ANXA5: variants seen among roughly 807,000 people sequenced by gnomAD.
ANXA5 encodes annexin A5.
Under a neutral mutation model 48.1 loss-of-function variants are expected in ANXA5, and 40 were observed. The observed-to-expected ratio is 0.83, with a 90% CI of 0.65 to 1.08. The LOEUF (loss-of-function observed/expected upper bound fraction) is 1.08. ANXA5 is among the 50% of genes least tolerant of loss of function. The pLI is 0.00. For missense variants in ANXA5, 357 were observed against 376.8 expected, an observed-to-expected ratio of 0.95 and a Z score of 0.44; for synonymous variants, 113 against 129.1, an observed-to-expected ratio of 0.88 and a Z score of 0.85.
chr4:121,687,301 C>CA (rs79008900), intron 2 of ANXA5, among the ~76,000 whole-genome samples: 570 of 53,664 alleles, frequency 0.011, 3 homozygotes, highest in African/African-American at 0.024. Flanking sequence ...CTCTGTCTCA[C>CA]AAAAAAAAAA....
intron 2 of ANXA5, among the ~76,000 whole-genome samples, chr4:121,695,764 T>C (rs1475499633): frequency 6.6e-6 from 1 of 151,898 alleles, no homozygotes; most frequent in Non-Finnish European, 1.5e-5. Flanking sequence ...TAGCTGGGCA[T>C]GGTGGGGCGC....
At chr4:121,678,345 A>T in intron 7 of ANXA5, 70 bp downstream of exon 7, 1 of 1,238,100 alleles carries the variant, frequency 8.1e-7, no homozygotes, top group Non-Finnish European at 1.2e-6. Flanking sequence ...AAGTGACCTT[A>T]CTTAACTAGA....
chr4:121,688,206 C>T (rs1724925294), intron 2 of ANXA5, among the ~76,000 whole-genome samples: 1 of 152,124 alleles, frequency 6.6e-6, no homozygotes, highest in East Asian at 1.9e-4. Flanking sequence ...CTTCCAGTCA[C>T]CAAAACTTTG....
At position 121,696,957 on chromosome 4, in the gene ANXA5, G is replaced by A. The variant is rs1046990983; in HGVS notation, c.-130C>T. The A allele has an allele frequency of 1.6e-5, 3 of 189,906 alleles. No individual in the cohort carries two copies. The highest frequency in any genetic ancestry group is 2.2e-5 in the Non-Finnish European group (2 of 92,944). The allele number at this position is 189,906 out of a possible 1,614,324, so 11.8% of individuals were successfully genotyped here. A position where few individuals can be genotyped will look rare whatever the true frequency, so the allele number is the denominator to read the frequency against. On this transcript the variant is annotated 5_prime_UTR_variant, in exon 1 of 13. Transcript: ENST00000296511. Reference sequence around the variant, plus strand: ...GCGACGCCGAGATGCAGACGCTGAAGGATCCGGCAGCTGCACCTAGACTGA... The same window carrying A: ...GCGACGCCGAGATGCAGACGCTGAAAGATCCGGCAGCTGCACCTAGACTGA...
At chr4:121,668,967 GGCCA>G (rs1236668493) in intron 12 of ANXA5, among the ~76,000 whole-genome samples, 1 of 151,496 alleles carries the variant, frequency 6.6e-6, no homozygotes, top group Non-Finnish European at 1.5e-5. Context: ...GTGTCCTTTG[GGCCA>G]GCCAAACCAC....
At chr4:121,695,997 C>G (rs1725073515) in intron 2 of ANXA5, among the ~76,000 whole-genome samples, 1 of 151,612 alleles carries the variant, frequency 6.6e-6, no homozygotes, top group South Asian at 2.1e-4. Context: ...AGAACTCGTT[C>G]CACGAGTTCA....
intron 2 of ANXA5, among the ~76,000 whole-genome samples, chr4:121,696,086 A>G (rs972464321): frequency 1.4e-4 from 22 of 151,728 alleles, no homozygotes; most frequent in African/African-American, 5.3e-4. Flanking sequence ...CAGTTTTAGT[A>G]AAACTGGGCT....
chr4:121,679,930 A>G (rs1281816209), intron 6 of ANXA5, among the ~76,000 whole-genome samples: 1 of 152,174 alleles, frequency 6.6e-6, no homozygotes, highest in East Asian at 1.9e-4. Flanking sequence ...AATTTCAAGC[A>G]TATAATAGTT....
intron 8 of ANXA5, among the ~76,000 whole-genome samples, chr4:121,673,620 GA>G (rs910016239): frequency 2.6e-5 from 4 of 151,666 alleles, no homozygotes; most frequent in South Asian, 2.1e-4. Flanking sequence ...TGGAGAATAA[GA>G]AAAAAATGAG....
intron 2 of ANXA5, among the ~76,000 whole-genome samples, chr4:121,695,416 A>G (rs953143497): frequency 6.6e-6 from 1 of 152,224 alleles, no homozygotes; most frequent in Non-Finnish European, 1.5e-5. Flanking sequence ...TGAACTATAA[A>G]TAAGAGACAG....
intron 2 of ANXA5, among the ~76,000 whole-genome samples, chr4:121,691,014 A>G (rs1341050752): frequency 6.6e-6 from 1 of 152,060 alleles, no homozygotes; most frequent in Non-Finnish European, 1.5e-5. Context: ...ACTTTAAATG[A>G]CTCATTCAAG....
rs1724733770 is a variant in ANXA5, at chr4:121,678,447, ACCCTGAAGTGTC to A, written c.430_441del (p.Asp144_Gly147del). ...AGAACCACCAACATCCGCTGGTAGT[ACCCTGAAGTGTC>A]CCCCACCACGTCATCTTCCAGGCTT... On this transcript the variant is annotated inframe_deletion, in exon 7 of 13. Coordinates refer to ENST00000296511, the MANE Select transcript of ANXA5 (RefSeq NM_001154.4). 1 of 1,613,660 alleles carries A rather than the reference ACCCTGAAGTGTC, an allele frequency of 6.2e-7. No homozygotes were observed. Among genetic ancestry groups the A allele is most frequent in the African/African-American group, 1.3e-5 (1 of 74,912 alleles).
intron 2 of ANXA5, among the ~76,000 whole-genome samples, chr4:121,688,402 G>A (rs1390857417): frequency 6.6e-6 from 1 of 152,062 alleles, no homozygotes; most frequent in African/African-American, 2.4e-5. Context: ...CTAACTTGAT[G>A]TTTCCTGTTA....
At chr4:121,674,181 GAGGGA>G (rs1310670955) in intron 8 of ANXA5, among the ~76,000 whole-genome samples, 1 of 110,268 alleles carries the variant, frequency 9.1e-6, no homozygotes, top group African/African-American at 3.1e-5. Flanking sequence ...GAAAGGGGAA[GAGGGA>G]GGGGAGGGGA....
chr4:121,673,148 A>G lies in ANXA5; in HGVS notation c.532-522T>C, dbSNP rs540706773. ...TGTTTTCATATTTCCAAAGATCACA[A>G]TAAATTTTTAAAAGATTGTGGGTAT... On this transcript the variant is annotated intron_variant, in intron 8 of 12. Coordinates refer to ENST00000296511, the MANE Select transcript of ANXA5 (RefSeq NM_001154.4). Among the ~76,000 whole-genome samples, 35 of 152,346 alleles carry G rather than the reference A, an allele frequency of 2.3e-4. 1 individual carries two copies. The highest frequency in any genetic ancestry group is 8.2e-4 in the African/African-American group (34 of 41,582).
chr4:121,669,440 A>C, intron 12 of ANXA5, 162 bp downstream of exon 12: 1 of 848,086 alleles, frequency 1.2e-6, no homozygotes, highest in Non-Finnish European at 1.8e-6. Context: ...CATCATCTCT[A>C]CTTCAGGAAA....
intron 2 of ANXA5, among the ~76,000 whole-genome samples, chr4:121,695,881 G>A (rs1304993768): frequency 1.3e-5 from 2 of 149,498 alleles, no homozygotes; most frequent in African/African-American, 4.9e-5. Context: ...CAGCCTGGGC[G>A]ACAGAGTGAG....
Position 121,684,669 on chromosome 4 carries a change from G to C in ANXA5, c.189+8C>G, listed in dbSNP as rs751659232. 6.2e-7 allele frequency: 1 copy of C among 1,611,624 alleles called. No homozygotes were observed. Among genetic ancestry groups the C allele is most frequent in the Non-Finnish European group, 8.5e-7 (1 of 1,178,080 alleles). ...CCCATTCTCTCTTGGGATGAAGTGTGGTCTTACCCTGCCAAACAGAGTCTT... is the reference window on the plus strand; with the variant it reads ...CCCATTCTCTCTTGGGATGAAGTGTCGTCTTACCCTGCCAAACAGAGTCTT... On this transcript the variant is annotated splice_region_variant and intron_variant, in intron 4 of 12. Transcript: ENST00000296511.
Position 121,671,594 on chromosome 4 carries a change from A to G in ANXA5, c.674T>C (p.Ile225Thr). Residue 225 changes from isoleucine (I) to threonine (T), a missense_variant, in exon 10 of 13, where the codon ATT becomes ACT. Ile to Thr is a moderately conservative substitution (Grantham distance 89, BLOSUM62 -1). Transcript: ENST00000296511. The stretch of plus-strand genomic sequence containing the variant: ...TAAATTGCCAGAAGTCTCGCGGTCA[A>G]TGGTTTCCTCAATTTGAAATCCTGA... Reference protein sequence around the residue: ...TISGFQIEETIDRETSGNLEQ... With the variant: ...TISGFQIEETTDRETSGNLEQ... 6.2e-7 allele frequency: 1 copy of G among 1,613,688 alleles called. No homozygotes were observed. Among genetic ancestry groups the G allele is most frequent in the African/African-American group, 1.3e-5 (1 of 75,032 alleles).
Sources: gnomAD v4.1 joint callset for allele counts (sites outside exome capture counted in the v4.1 genomes callset) on GRCh38, gnomAD v4.1.1 for gene constraint, MANE v1.5 for transcripts, NCBI Gene and HGNC (gene_info 2026-07-23, HGNC 2026-07-21) for gene names.